LCMT1: variants seen among roughly 807,000 people sequenced by gnomAD.
LCMT1 encodes the protein leucine carboxyl methyltransferase 1, also known as [Phosphatase 2A protein]-leucine-carboxy methyltransferase 1.
Under a neutral mutation model 47.7 loss-of-function variants are expected in LCMT1, and 32 were observed. That is an observed-to-expected ratio of 0.67 (90% CI 0.51 to 0.90). The LOEUF (loss-of-function observed/expected upper bound fraction) is 0.90, where lower values mean the gene tolerates loss of function less well. LCMT1 is among the 40% of genes least tolerant of loss of function. The pLI, the probability that LCMT1 is intolerant of heterozygous loss-of-function variation, is 0.00. For synonymous variants in LCMT1, 152 were observed against 149.7 expected, an observed-to-expected ratio of 1.02 and a Z score of -0.11; for missense variants, 375 against 415.2, an observed-to-expected ratio of 0.90 and a Z score of 0.84.
chr16:25,148,736 T>A (rs1414850378), intron 4 of LCMT1: 1 of 152,182 alleles, frequency 6.6e-6, no homozygotes, highest in Non-Finnish European at 1.5e-5. Flanking sequence ...AACTCGCCAG[T>A]CGCGGTGGCA....
chr16:25,172,523 C>CT (rs1159278073), intron 9 of LCMT1, among the ~76,000 whole-genome samples: 1 of 152,092 alleles, frequency 6.6e-6, no homozygotes, highest in Non-Finnish European at 1.5e-5. Flanking sequence ...CACTTCAGCT[C>CT]TTTTTTTTGT....
At chr16:25,123,572 C>G (rs1214599084) in intron 1 of LCMT1, among the ~76,000 whole-genome samples, 1 of 140,032 alleles carries the variant, frequency 7.1e-6, no homozygotes, top group East Asian at 2.2e-4. Flanking sequence ...ATGTGTGTTT[C>G]ATGCTTGACT....
At chr16:25,119,716 C>A (rs920200467) in intron 1 of LCMT1, among the ~76,000 whole-genome samples, 1 of 152,106 alleles carries the variant, frequency 6.6e-6, no homozygotes, top group African/African-American at 2.4e-5. Context: ...GCCTTTCCGG[C>A]ATCCTGATGA....
Position 25,135,284 on chromosome 16 carries a change from A to AAAATATATATATAC in LCMT1, c.327+2762_327+2763insAATATATATATACA, listed in dbSNP as rs1555482753. ...TTTTTTGGTCTGAAGTTTCTTTTAA[A>AAAATATATATATAC]ATATATATCTATATATATATATATA... On this transcript the variant is annotated intron_variant, in intron 3 of 10. Coordinates refer to ENST00000399069, the MANE Select transcript of LCMT1 (RefSeq NM_016309.3). Among the ~76,000 whole-genome samples, 482 of 140,648 alleles carry AAAATATATATATAC rather than the reference A, an allele frequency of 3.4e-3. 3 individuals are homozygous for AAAATATATATATAC. Among genetic ancestry groups the AAAATATATATATAC allele is most frequent in the African/African-American group, 0.012 (463 of 39,442 alleles). The allele number at this position is 140,648 out of a possible 152,430, so 92.3% of individuals were successfully genotyped here. A position where few individuals can be genotyped will look rare whatever the true frequency, so the allele number is the denominator to read the frequency against.
At chr16:25,167,946 G>A (rs1317572116) in intron 7 of LCMT1, among the ~76,000 whole-genome samples, 1 of 151,494 alleles carries the variant, frequency 6.6e-6, no homozygotes, top group Non-Finnish European at 1.5e-5. Context: ...TTTTAATAGA[G>A]ACAGGGTTTC....
chr16:25,175,988 C>A (rs1025452779), intron 10 of LCMT1, among the ~76,000 whole-genome samples: 5 of 152,120 alleles, frequency 3.3e-5, no homozygotes, highest in African/African-American at 1.2e-4. Context: ...AAGTAACCGG[C>A]GTTTGTCTTT....
At chr16:25,118,194 C>T (rs549880690) in intron 1 of LCMT1, among the ~76,000 whole-genome samples, 3 of 152,092 alleles carry the variant, frequency 2.0e-5, no homozygotes, top group Non-Finnish European at 2.9e-5. Flanking sequence ...GCATTTCTTA[C>T]GTGGGCTATA....
chr16:25,136,691 A>T (rs1416760115), intron 3 of LCMT1, among the ~76,000 whole-genome samples: 1 of 152,042 alleles, frequency 6.6e-6, no homozygotes, highest in East Asian at 1.9e-4. Flanking sequence ...CTGGGATTAC[A>T]GATGCGCACC....
At chr16:25,174,121 A>G (rs571694955) in intron 9 of LCMT1, among the ~76,000 whole-genome samples, 101 of 152,280 alleles carry the variant, frequency 6.6e-4, no homozygotes, top group African/African-American at 2.3e-3. Context: ...CATGTTGGCC[A>G]GGCTGGTCTC....
chr16:25,159,735 C>G (rs1961363516), intron 5 of LCMT1, among the ~76,000 whole-genome samples: 1 of 152,002 alleles, frequency 6.6e-6, no homozygotes, highest in South Asian at 2.1e-4. Flanking sequence ...GTGGAGTTAT[C>G]AAGATGATAA....
At chr16:25,164,012 T>G (rs1014620463) in intron 6 of LCMT1, among the ~76,000 whole-genome samples, 1 of 152,162 alleles carries the variant, frequency 6.6e-6, no homozygotes, top group African/African-American at 2.4e-5. Context: ...AGGTGGACAG[T>G]GGGCAGGCCA....
rs187058508 is a variant in LCMT1 at position 25,177,921 on chromosome 16, C to T, written c.983-80C>T. 8.9e-4 allele frequency: 1,113 copies of T among 1,245,664 alleles called. 17 individuals are homozygous for T. In the Admixed American group the frequency reaches 0.018, roughly 20 times the overall value. The allele number at this position is 1,245,664 out of a possible 1,614,324, so 77.2% of individuals were successfully genotyped here. ...AGCAGTGTGGCTGGTGCCCCTGAGC[C>T]GGTCACTGGGGGTCCTCTAGGGGCC... is the stretch of plus-strand genomic sequence containing the variant. On this transcript the variant is annotated intron_variant, in intron 10 of 10. Coordinates refer to ENST00000399069, the MANE Select transcript of LCMT1 (RefSeq NM_016309.3).
At chr16:25,134,734 G>A (rs903553602) in intron 3 of LCMT1, among the ~76,000 whole-genome samples, 1 of 152,152 alleles carries the variant, frequency 6.6e-6, no homozygotes, top group African/African-American at 2.4e-5. Flanking sequence ...CCCAGTAGTT[G>A]GGATTACAGG....
chr16:25,172,308 C>CAA (rs35753205), intron 9 of LCMT1, among the ~76,000 whole-genome samples: 32,635 of 125,466 alleles, frequency 0.26, 3,687 homozygotes, highest in East Asian at 0.37. Context: ...AACTCTGTCT[C>CAA]AAAAAAAAAA....
At chr16:25,160,960 G>C (rs1056668471) in intron 5 of LCMT1, 142 bp from the exon 6 acceptor site, 2 of 601,524 alleles carry the variant, frequency 3.3e-6, no homozygotes, top group Admixed American at 5.9e-5. Flanking sequence ...ATAGGATTTT[G>C]GTTAATTTTT....
At chr16:25,157,712 G>T (rs574552933) in intron 5 of LCMT1, among the ~76,000 whole-genome samples, 53 of 152,348 alleles carry the variant, frequency 3.5e-4, no homozygotes, top group African/African-American at 1.3e-3. Context: ...AATTCTTTGG[G>T]TTGGGTTCAT....
chr16:25,167,069 T>TG (rs1164768971), intron 7 of LCMT1, among the ~76,000 whole-genome samples: 1 of 152,198 alleles, frequency 6.6e-6, no homozygotes, highest in Admixed American at 6.5e-5. Flanking sequence ...ATATGAGAGA[T>TG]GATGGATTCA....
chr16:25,125,277 A>C (rs8052745), intron 1 of LCMT1, among the ~76,000 whole-genome samples: 1 of 152,158 alleles, frequency 6.6e-6, no homozygotes, highest in African/African-American at 2.4e-5. Context: ...AACATCCTAC[A>C]CATACAATTT....
chr16:25,134,032 TA>T lies in LCMT1; in HGVS notation c.327+1528del, dbSNP rs781659291. ...GGGCGACGAGTGAGACTTCGTCTCT[TA>T]AAAAAAAAAAAAAAAAAAGTCCTCA... On this transcript the variant is annotated intron_variant, in intron 3 of 10. Transcript: ENST00000399069. 4.4e-3 allele frequency among the ~76,000 whole-genome samples: 557 copies of T among 126,166 alleles called. 2 individuals are homozygous for T. The highest frequency in any genetic ancestry group is 0.012 in the Middle Eastern group (3 of 244). 82.8% of individuals were successfully genotyped at this position (126,166 alleles called of 152,430 possible). A position where few individuals can be genotyped will look rare whatever the true frequency, so the allele number is the denominator to read the frequency against.
Sources: gnomAD v4.1 joint callset for allele counts (sites outside exome capture counted in the v4.1 genomes callset) on GRCh38, gnomAD v4.1.1 for gene constraint, MANE v1.5 for transcripts, NCBI Gene and HGNC (gene_info 2026-07-23, HGNC 2026-07-21) for gene names.